The following TMEFF2 variants were observed in gnomAD, a reference collection of about 807,000 sequenced individuals.
The protein encoded by TMEFF2 is tomoregulin-2.
A neutral mutation model predicts 53.8 loss-of-function variants in TMEFF2; 28 were observed. The ratio of observed to expected loss-of-function variants is 0.52; its 90% CI spans 0.39 to 0.71. The LOEUF is 0.71. Among genes scored for constraint, TMEFF2 ranks in the 30% least tolerant of loss-of-function variants. TMEFF2 has a pLI of 0.00. For synonymous variants in TMEFF2, 162 were observed against 166.3 expected, an observed-to-expected ratio of 0.97 and a Z score of 0.20; for missense variants, 353 against 455.2, an observed-to-expected ratio of 0.78 and a Z score of 2.04.
At chr2:191,966,630 T>G (rs1021285230) in intron 7 of TMEFF2, among the ~76,000 whole-genome samples, 33 of 152,246 alleles carry the variant, frequency 2.2e-4, no homozygotes, top group African/African-American at 7.5e-4. Flanking sequence ...AACTTTTATT[T>G]AAAAAAGCAA....
intron 4 of TMEFF2, among the ~76,000 whole-genome samples, chr2:192,095,467 C>T (rs1688881929): frequency 6.6e-6 from 1 of 152,034 alleles, no homozygotes; most frequent in Non-Finnish European, 1.5e-5. Flanking sequence ...TCTCCATGCA[C>T]AGACACACAA....
chr2:192,193,921 AT>A (rs1391440083), intron 1 of TMEFF2, among the ~76,000 whole-genome samples: 1 of 152,100 alleles, frequency 6.6e-6, no homozygotes, highest in Non-Finnish European at 1.5e-5. Flanking sequence ...TGCAGTCACC[AT>A]TTGATTTATT....
Position 192,037,273 on chromosome 2 carries a change from TAAAGAAAGAAAGAAAGAAA to T in TMEFF2, c.536+20387_536+20405del, listed in dbSNP as rs1318280491. Among the ~76,000 whole-genome samples the T allele has an allele frequency of 5.9e-4, 56 of 94,764 alleles. 1 individual carries two copies. In the South Asian group the frequency reaches 0.012, roughly 20 times the overall value. 62.2% of individuals were successfully genotyped at this position (94,764 alleles called of 152,430 possible). On this transcript the variant is annotated intron_variant, in intron 5 of 9. Transcript: ENST00000272771. The stretch of plus-strand genomic sequence containing the variant: ...AATGCACTTCTAAGACTAGCCAAAA[TAAAGAAAGAAAGAAAGAAA>T]GAAAGAAAGAAAGAAAGAAAGAAAG...
At chr2:192,172,468 T>C (rs1337748890) in intron 4 of TMEFF2, among the ~76,000 whole-genome samples, 2 of 151,900 alleles carry the variant, frequency 1.3e-5, no homozygotes, top group African/African-American at 2.4e-5. Context: ...CAGGATCATA[T>C]CCAGAGTCTA....
chr2:192,134,289 A>G (rs1431000252), intron 4 of TMEFF2, among the ~76,000 whole-genome samples: 2 of 152,084 alleles, frequency 1.3e-5, no homozygotes, highest in African/African-American at 4.8e-5. Context: ...TATTCCAGAT[A>G]CCACACCTGA....
chr2:191,993,259 G>C (rs1266110839), intron 7 of TMEFF2, among the ~76,000 whole-genome samples: 1 of 151,960 alleles, frequency 6.6e-6, no homozygotes, highest in African/African-American at 2.4e-5. Context: ...CTAATAGGAT[G>C]GACAGAATGT....
At chr2:192,174,323 C>T (rs996565581) in intron 4 of TMEFF2, among the ~76,000 whole-genome samples, 4 of 151,858 alleles carry the variant, frequency 2.6e-5, no homozygotes, top group South Asian at 2.1e-4. Context: ...TTTGTAAAAA[C>T]GTATTCATGT....
intron 4 of TMEFF2, among the ~76,000 whole-genome samples, chr2:192,170,488 C>A (rs1488281384): frequency 1.3e-5 from 2 of 151,924 alleles, no homozygotes; most frequent in East Asian, 3.9e-4. Context: ...CTAATATGTT[C>A]CTTGTGTTTG....
At chr2:191,975,265 C>CTTTTTTTTT (rs57057771) in intron 7 of TMEFF2, among the ~76,000 whole-genome samples, 1 of 88,368 alleles carries the variant, frequency 1.1e-5, no homozygotes, top group Non-Finnish European at 2.6e-5. Context: ...TCTTTTTCTT[C>CTTTTTTTTT]TTTTTTTTTT....
chr2:192,036,177 GGA>G (rs1301004278), intron 5 of TMEFF2: 2 of 152,120 alleles, frequency 1.3e-5, no homozygotes, highest in Non-Finnish European at 2.9e-5. Context: ...TTGTTACTGA[GGA>G]AGCCACAAAT....
At chr2:191,987,942 G>C (rs1459904214) in intron 7 of TMEFF2, among the ~76,000 whole-genome samples, 3 of 152,106 alleles carry the variant, frequency 2.0e-5, no homozygotes, top group African/African-American at 7.2e-5. Context: ...TTATAATCAT[G>C]ATGATAATCA....
At chr2:192,192,923 A>G (rs1036243838) in intron 1 of TMEFF2, among the ~76,000 whole-genome samples, 5 of 152,228 alleles carry the variant, frequency 3.3e-5, no homozygotes, top group Non-Finnish European at 7.3e-5. Context: ...AAACATGTTG[A>G]GTTTTATTAA....
intron 4 of TMEFF2, among the ~76,000 whole-genome samples, chr2:192,172,484 C>A (rs967903534): frequency 1.2e-4 from 18 of 151,880 alleles, no homozygotes; most frequent in Non-Finnish European, 1.0e-4. Context: ...GTCTAGAGCT[C>A]TAGAATATGT....
At chr2:191,983,097 C>T (rs776335497) in intron 7 of TMEFF2, among the ~76,000 whole-genome samples, 1 of 152,124 alleles carries the variant, frequency 6.6e-6, no homozygotes, top group Non-Finnish European at 1.5e-5. Flanking sequence ...AAACATCCTA[C>T]ACTCTAATGC....
chr2:192,123,282 CTGATA>C (rs1689601325), intron 4 of TMEFF2, among the ~76,000 whole-genome samples: 1 of 152,080 alleles, frequency 6.6e-6, no homozygotes, highest in Non-Finnish European at 1.5e-5. Context: ...TGCTGTACTT[CTGATA>C]TGATGTGCTA....
chr2:192,092,822 C>T (rs1274665031), intron 4 of TMEFF2, among the ~76,000 whole-genome samples: 1 of 152,000 alleles, frequency 6.6e-6, no homozygotes, highest in Non-Finnish European at 1.5e-5. Context: ...ATGGGGGTGA[C>T]TTCTAGAAGC....
chr2:192,082,139 C>T lies in TMEFF2; in HGVS notation c.440-24364G>A, dbSNP rs78129577. On this transcript the variant is annotated intron_variant, in intron 4 of 9. Transcript: ENST00000272771. ...TTAAAGTTGTCATTTTTTGCCATTACAGTTAATTCTGTGATGAACCTCTTT... is the reference window on the plus strand; with the variant it reads ...TTAAAGTTGTCATTTTTTGCCATTATAGTTAATTCTGTGATGAACCTCTTT... 2.5e-3 allele frequency among the ~76,000 whole-genome samples: 380 copies of T among 152,234 alleles called. 1 individual carries two copies. Among genetic ancestry groups the T allele is most frequent in the Middle Eastern group, 0.02 (6 of 294 alleles).
chr2:192,027,021 T>A (rs1222987467), intron 5 of TMEFF2, among the ~76,000 whole-genome samples: 2 of 152,228 alleles, frequency 1.3e-5, no homozygotes, highest in Non-Finnish European at 2.9e-5. Context: ...CTGTCCCTTG[T>A]ATCATTAATT....
At chr2:192,017,073 A>T (rs1238844712) in intron 5 of TMEFF2, among the ~76,000 whole-genome samples, 3 of 152,200 alleles carry the variant, frequency 2.0e-5, no homozygotes, top group African/African-American at 7.2e-5. Flanking sequence ...CGGGCACAGA[A>T]GTGGGAGACA....
Sources: allele counts gnomAD v4.1 joint callset (sites outside exome capture counted in the v4.1 genomes callset), GRCh38; gene constraint gnomAD v4.1.1; transcripts MANE v1.5; gene names NCBI Gene and HGNC (gene_info 2026-07-23, HGNC 2026-07-21).